The following XG variants were observed in gnomAD, a reference collection of about 807,000 sequenced individuals.
XG encodes Xg glycoprotein (Xg blood group), also known as glycoprotein Xg.
In XG, 24 loss-of-function variants were observed where a neutral mutation model predicts 25.7. The ratio of observed to expected loss-of-function variants is 0.93; its 90% confidence interval spans 0.68 to 1.31. XG has a LOEUF of 1.31. Ranked by LOEUF, XG falls within the 40% of genes most tolerant of loss-of-function variation. XG has a pLI of 0.00. For missense variants in XG, 181 were observed against 187.6 expected, an observed-to-expected ratio of 0.96 and a Z score of 0.21; for synonymous variants, 77 against 69.2, an observed-to-expected ratio of 1.11 and a Z score of -0.56.
At chrX:2,773,267 T>G (rs1484529463) in intron 2 of XG, among the ~76,000 whole-genome samples, 20 of 110,892 alleles carry the variant, frequency 1.8e-4, no homozygotes, top group Admixed American at 6.9e-4. Context: ...AAGAAAAGAC[T>G]GAGGGGAGGA....
intron 1 of XG, among the ~76,000 whole-genome samples, chrX:2,763,422 G>A (rs2050607578): frequency 6.6e-6 from 1 of 151,888 alleles, no homozygotes; most frequent in African/African-American, 2.4e-5. Flanking sequence ...GAGAAACTGA[G>A]GCCTGAATTC....
At chrX:2,804,696 T>G (rs1285320267) in intron 7 of XG, among the ~76,000 whole-genome samples, 1 of 111,653 alleles carries the variant, frequency 9.0e-6, no homozygotes, top group Admixed American at 9.5e-5. Context: ...GCGGCTCCCC[T>G]GAGAGCCCTG....
At chrX:2,783,724 C>A (rs987252339) in intron 4 of XG, among the ~76,000 whole-genome samples, 3 of 112,952 alleles carry the variant, frequency 2.7e-5, no homozygotes, top group Non-Finnish European at 3.7e-5. Context: ...CCTGGAATCC[C>A]AGCACTTTGG....
intron 5 of XG, among the ~76,000 whole-genome samples, chrX:2,794,147 G>A (rs1030439224): frequency 6.3e-5 from 7 of 111,135 alleles, no homozygotes; most frequent in African/African-American, 2.3e-4. Flanking sequence ...CAGGAGCAAC[G>A]GGGAACATCC....
intron 1 of XG, among the ~76,000 whole-genome samples, chrX:2,766,228 C>T (rs1265232225): frequency 1.3e-5 from 2 of 152,190 alleles, no homozygotes; most frequent in East Asian, 1.9e-4. Flanking sequence ...GCAATCTCCA[C>T]CTCCCAGGTT....
At chrX:2,788,594 C>T (rs1004155757) in intron 4 of XG, among the ~76,000 whole-genome samples, 12 of 111,532 alleles carry the variant, frequency 1.1e-4, no homozygotes, top group African/African-American at 3.3e-4. Flanking sequence ...GTGGCTCATG[C>T]GTGTAATCCC....
chrX:2,783,976 A>AAAACC (rs200988138), intron 4 of XG, among the ~76,000 whole-genome samples: 96 of 110,878 alleles, frequency 8.7e-4, no homozygotes, highest in Admixed American at 1.5e-3. Context: ...TCTGTCTCGA[A>AAAACC]AAACCAAACC....
At chrX:2,761,775 A>G (rs1363008460) in intron 1 of XG, among the ~76,000 whole-genome samples, 2 of 152,156 alleles carry the variant, frequency 1.3e-5, no homozygotes, top group African/African-American at 4.8e-5. Context: ...CTCAGGGAGA[A>G]GACGGCATCT....
intron 7 of XG, among the ~76,000 whole-genome samples, chrX:2,805,440 C>T (rs1316152204): frequency 1.3e-4 from 14 of 104,094 alleles, no homozygotes; most frequent in African/African-American, 5.0e-4. Context: ...CTTGGCTCGT[C>T]GACATCATCA....
At chrX:2,782,480 TA>T (rs1193623109) in intron 4 of XG, among the ~76,000 whole-genome samples, 1 of 111,685 alleles carries the variant, frequency 9.0e-6, no homozygotes, top group African/African-American at 3.3e-5. Context: ...GTTTTATTAT[TA>T]ATCATTCAGT....
chrX:2,782,556 G>A (rs941802408), intron 4 of XG, among the ~76,000 whole-genome samples: 1 of 111,132 alleles, frequency 9.0e-6, no homozygotes, highest in Admixed American at 9.6e-5. Flanking sequence ...TGGGAAGTGG[G>A]GAGTGCTGAC....
intron 1 of XG, among the ~76,000 whole-genome samples, chrX:2,756,922 G>A (rs193174900): frequency 1.2e-4 from 18 of 152,278 alleles, no homozygotes; most frequent in Middle Eastern, 6.8e-3. Flanking sequence ...TCTGCCATCC[G>A]CACGTGGCTT....
intron 3 of XG, among the ~76,000 whole-genome samples, chrX:2,781,184 G>C (rs1376098866): frequency 1.3e-5 from 2 of 151,990 alleles, no homozygotes; most frequent in African/African-American, 4.8e-5. Flanking sequence ...AGCCCACCGA[G>C]AGTTTTTCCC....
chrX:2,766,201 CACAG>C, intron 1 of XG, among the ~76,000 whole-genome samples: 1 of 151,998 alleles, frequency 6.6e-6, no homozygotes, highest in East Asian at 1.9e-4. Flanking sequence ...AGTGCAGTGG[CACAG>C]TCTTGGCTCA....
At chrX:2,773,254 GATAA>G in intron 2 of XG, among the ~76,000 whole-genome samples, 1 of 142,730 alleles carries the variant, frequency 7.0e-6, no homozygotes, top group Non-Finnish European at 1.5e-5. Context: ...AAGGAGAGGA[GATAA>G]GAAAAGACTG....
chrX:2,752,240 G>A lies in XG; in HGVS notation c.-35G>A, dbSNP rs898691770. ...GGGTCTCACAATCCGCTTGGCTGGG[G>A]AGTCCACTGAGGTTCTTGCATCCTG... On this transcript the variant is annotated 5_prime_UTR_variant, in exon 1 of 11. Coordinates refer to ENST00000644266, the MANE Select transcript of XG (RefSeq NM_001141919.2). 1 of 1,613,372 alleles carries A rather than the reference G, an allele frequency of 6.2e-7. No homozygotes were observed. Among genetic ancestry groups the A allele is most frequent in the African/African-American group, 1.3e-5 (1 of 74,920 alleles).
intron 1 of XG, among the ~76,000 whole-genome samples, chrX:2,765,060 A>G (rs1427364642): frequency 7.3e-6 from 1 of 137,188 alleles, no homozygotes; most frequent in Non-Finnish European, 1.6e-5. Context: ...AAAAAAAAAA[A>G]AAAAAGGCTA....
chrX:2,807,189 G>C (rs1349763950), intron 8 of XG, among the ~76,000 whole-genome samples: 11 of 112,818 alleles, frequency 9.8e-5, no homozygotes, highest in Non-Finnish European at 2.1e-4. Context: ...CAGATGTGTT[G>C]GCATGTACTT....
chrX:2,760,829 C>T (rs781169458), intron 1 of XG, among the ~76,000 whole-genome samples: 26 of 149,878 alleles, frequency 1.7e-4, no homozygotes, highest in African/African-American at 5.7e-4. Flanking sequence ...TATAAAAAGA[C>T]GAGATGAAGA....
Sources: allele counts gnomAD v4.1 joint callset (sites outside exome capture counted in the v4.1 genomes callset), GRCh38; gene constraint gnomAD v4.1.1; transcripts MANE v1.5; gene names NCBI Gene and HGNC (gene_info 2026-07-23, HGNC 2026-07-21).